The following DYRK1A variants were observed in gnomAD, a reference collection of about 807,000 sequenced individuals.
DYRK1A encodes dual specificity tyrosine phosphorylation regulated kinase 1A.
A neutral mutation model predicts 79.7 loss-of-function variants in DYRK1A; 9 were observed. The ratio of observed to expected loss-of-function variants is 0.11; its 90% confidence interval spans 0.07 to 0.20. The LOEUF is 0.20. DYRK1A is among the 10% of genes least tolerant of loss of function. The probability of loss-of-function intolerance (pLI) is 1.00; values close to 1 mark genes in which losing one functional copy is unlikely to be tolerated. For synonymous variants in DYRK1A, 349 were observed against 329.7 expected, an observed-to-expected ratio of 1.06 and a Z score of -0.63; for missense variants, 622 against 956.0, an observed-to-expected ratio of 0.65 and a Z score of 4.61.
chr21:37,461,247 T>TTA (rs75604756), intron 2 of DYRK1A, among the ~76,000 whole-genome samples: 16,920 of 152,212 alleles, frequency 0.11, 1,295 homozygotes, highest in Non-Finnish European at 0.16. Flanking sequence ...TTTATTTAAG[T>TTA]TATACATTTA....
At chr21:37,379,164 G>A (rs1209256403) in intron 1 of DYRK1A, among the ~76,000 whole-genome samples, 1 of 152,000 alleles carries the variant, frequency 6.6e-6, no homozygotes, top group Non-Finnish European at 1.5e-5. Flanking sequence ...TGAATTTGGG[G>A]CGATTGAGGG....
chr21:37,508,598 C>A (rs767520420), intron 11 of DYRK1A, among the ~76,000 whole-genome samples: 1 of 152,072 alleles, frequency 6.6e-6, no homozygotes. Context: ...GTTTTCCTTA[C>A]TTTAAACCAG....
At chr21:37,436,415 AC>A (rs1461137056) in intron 2 of DYRK1A, among the ~76,000 whole-genome samples, 6 of 152,242 alleles carry the variant, frequency 3.9e-5, no homozygotes, top group African/African-American at 1.4e-4. Flanking sequence ...TTGAAATAAG[AC>A]CTGGTGTCTT....
intron 5 of DYRK1A, among the ~76,000 whole-genome samples, chr21:37,482,261 T>C (rs2052673000): frequency 6.6e-6 from 1 of 152,014 alleles, no homozygotes; most frequent in Non-Finnish European, 1.5e-5. Flanking sequence ...TCGGGCAAAA[T>C]TCACCCCCAA....
In DYRK1A at chr21:37,505,262, C is replaced by G. The variant is rs754824896; in HGVS notation, c.1213-21C>G. 3.2e-6 allele frequency: 5 copies of G among 1,563,300 alleles called. No individual in the cohort carries two copies. The African/African-American group carries it at 4.1e-5, about 13-fold the overall frequency. Reference sequence around the variant, plus strand: ...GTATTCCACCAAATTTAGAGAAAGCCTTTCATCTTCTCTCTTACAGGAGTA... The same window carrying G: ...GTATTCCACCAAATTTAGAGAAAGCGTTTCATCTTCTCTCTTACAGGAGTA... On this transcript the variant is annotated intron_variant, in intron 9 of 11. Coordinates refer to ENST00000647188, the MANE Select transcript of DYRK1A (RefSeq NM_001347721.2).
chr21:37,500,825 T>C (rs1262568267), intron 9 of DYRK1A, among the ~76,000 whole-genome samples: 4 of 151,998 alleles, frequency 2.6e-5, no homozygotes, highest in African/African-American at 9.7e-5. Flanking sequence ...TTATTCCTGA[T>C]ATTGGCCATT....
intron 1 of DYRK1A, among the ~76,000 whole-genome samples, chr21:37,377,432 G>A (rs1186955405): frequency 6.6e-6 from 1 of 151,574 alleles, no homozygotes; most frequent in South Asian, 2.1e-4. Flanking sequence ...TTTTTTACTT[G>A]ACCTATGTTA....
intron 7 of DYRK1A, among the ~76,000 whole-genome samples, chr21:37,492,768 A>G (rs2053138731): frequency 6.6e-6 from 1 of 151,998 alleles, no homozygotes; most frequent in East Asian, 1.9e-4. Context: ...CATGATGACT[A>G]GGTAGGATTA....
intron 2 of DYRK1A, among the ~76,000 whole-genome samples, chr21:37,455,718 T>C (rs914729716): frequency 1.3e-5 from 2 of 152,194 alleles, no homozygotes; most frequent in Non-Finnish European, 2.9e-5. Flanking sequence ...TCTCTATTTG[T>C]GGTTCCTCCT....
intron 2 of DYRK1A, among the ~76,000 whole-genome samples, chr21:37,460,123 T>C (rs548545506): frequency 1.3e-5 from 2 of 152,028 alleles, no homozygotes; most frequent in South Asian, 2.1e-4. Flanking sequence ...TTTTTTTTGG[T>C]AAAGTGTTAG....
At chr21:37,483,822 G>A (rs2148592028) in intron 5 of DYRK1A, among the ~76,000 whole-genome samples, 1 of 152,072 alleles carries the variant, frequency 6.6e-6, no homozygotes, top group East Asian at 1.9e-4. Context: ...GGCTCAACCA[G>A]TCCTCGCATC....
chr21:37,383,605 A>G (rs994017724), intron 1 of DYRK1A, among the ~76,000 whole-genome samples: 1 of 152,196 alleles, frequency 6.6e-6, no homozygotes, highest in African/African-American at 2.4e-5. Context: ...AATACTTAGA[A>G]ACCTGTTTAT....
intron 1 of DYRK1A, among the ~76,000 whole-genome samples, chr21:37,382,206 T>G (rs189585934): frequency 8.3e-4 from 126 of 151,648 alleles, no homozygotes; most frequent in African/African-American, 2.6e-3. Context: ...AAGCTTGCTT[T>G]CTTTTTTTTT....
chr21:37,427,413 C>T (rs1250695792), intron 2 of DYRK1A, among the ~76,000 whole-genome samples: 8 of 152,152 alleles, frequency 5.3e-5, no homozygotes, highest in Admixed American at 4.6e-4. Context: ...TGTGAGTCAC[C>T]GTCTTGGCCT....
At chr21:37,437,731 A>G (rs1850322477) in intron 2 of DYRK1A, among the ~76,000 whole-genome samples, 1 of 152,138 alleles carries the variant, frequency 6.6e-6, no homozygotes, top group Admixed American at 6.5e-5. Flanking sequence ...GTGTGTATAT[A>G]CTTTGGTTTA....
chr21:37,515,965 T>C lies in DYRK1A; in HGVS notation c.*3434T>C, dbSNP rs1482989666. On this transcript the variant is annotated 3_prime_UTR_variant, in exon 12 of 12. Transcript: ENST00000647188. Reference sequence around the variant, plus strand: ...TCCCAGCTTTTGTGGTGTTGAACTTTTCTGTTCTTCCAATAGGGAGATACA... The same window carrying C: ...TCCCAGCTTTTGTGGTGTTGAACTTCTCTGTTCTTCCAATAGGGAGATACA... 6.6e-6 allele frequency: 1 copy of C among 152,262 alleles called. No individual in the cohort carries two copies. Among genetic ancestry groups the C allele is most frequent in the Admixed American group, 6.5e-5 (1 of 15,282 alleles). 9.4% of individuals were successfully genotyped at this position (152,262 alleles called of 1,614,324 possible). A position where few individuals can be genotyped will look rare whatever the true frequency, so the allele number is the denominator to read the frequency against.
chr21:37,378,875 C>G (rs190897915), intron 1 of DYRK1A, among the ~76,000 whole-genome samples: 4 of 152,120 alleles, frequency 2.6e-5, no homozygotes, highest in Non-Finnish European at 4.4e-5. Context: ...TATGGGGATT[C>G]GAGTGTGCAT....
At chr21:37,428,166 A>G (rs373539599) in intron 2 of DYRK1A, among the ~76,000 whole-genome samples, 1 of 152,138 alleles carries the variant, frequency 6.6e-6, no homozygotes, top group African/African-American at 2.4e-5. Context: ...CTTAATGATC[A>G]TGCTTTTGAT....
rs1318974325 is a variant in DYRK1A, at chr21:37,481,014, T to C, written c.489+188T>C. On this transcript the variant is annotated intron_variant, in intron 5 of 11. Transcript: ENST00000647188. ...ATACTGCATCAGTAATATAAACTCC[T>C]TAGACTTCTAAAAACTTTTATGGCT... 1.8e-5 allele frequency: 9 copies of C among 501,876 alleles called. No individual in the cohort carries two copies. The East Asian group carries it at 2.0e-4, about 11-fold the overall frequency. 31.1% of individuals were successfully genotyped at this position (501,876 alleles called of 1,614,324 possible). A position where few individuals can be genotyped will look rare whatever the true frequency, so the allele number is the denominator to read the frequency against.
Sources: gnomAD v4.1 joint callset for allele counts (sites outside exome capture counted in the v4.1 genomes callset) on GRCh38, gnomAD v4.1.1 for gene constraint, MANE v1.5 for transcripts, NCBI Gene and HGNC (gene_info 2026-07-23, HGNC 2026-07-21) for gene names.